SRGAP3: variants seen among roughly 807,000 people sequenced by gnomAD.
SRGAP3 encodes the protein SLIT-ROBO Rho GTPase activating protein 3.
A neutral mutation model predicts 121.1 loss-of-function variants in SRGAP3; 39 were observed. That is an observed-to-expected ratio of 0.32 (90% confidence interval 0.25 to 0.42). The LOEUF (loss-of-function observed/expected upper bound fraction) is 0.42, where lower values mean the gene tolerates loss of function less well. Ranked by LOEUF, SRGAP3 falls within the 10% of genes least tolerant of loss-of-function variation. The pLI, the probability that SRGAP3 is intolerant of heterozygous loss-of-function variation, is 1.00. For missense variants in SRGAP3, 1,213 were observed against 1,470.6 expected, an observed-to-expected ratio of 0.82 and a Z score of 2.86; for synonymous variants, 601 against 570.0, an observed-to-expected ratio of 1.05 and a Z score of -0.77.
intron 3 of SRGAP3, among the ~76,000 whole-genome samples, chr3:9,089,974 G>A (rs561488417): frequency 1.2e-4 from 18 of 152,102 alleles, no homozygotes; most frequent in Admixed American, 2.6e-4. Context: ...GGCCCACTAC[G>A]GCAGACAGCC....
At chr3:9,134,558 A>G (rs551964848) in intron 1 of SRGAP3, among the ~76,000 whole-genome samples, 1 of 152,180 alleles carries the variant, frequency 6.6e-6, no homozygotes, top group East Asian at 1.9e-4. Context: ...AGGGAGGGGA[A>G]ATGGCTTGCC....
chr3:9,007,440 A>T (rs1943137212), intron 18 of SRGAP3: 2 of 152,320 alleles, frequency 1.3e-5, no homozygotes, highest in South Asian at 4.1e-4. Context: ...GGTGCTGTCA[A>T]GAGCAAAGAA....
intron 4 of SRGAP3, among the ~76,000 whole-genome samples, chr3:9,075,205 A>G (rs981717590): frequency 6.6e-6 from 1 of 152,188 alleles, no homozygotes; most frequent in Non-Finnish European, 1.5e-5. Context: ...CCAGGCCAAT[A>G]CATGAACAAG....
intron 3 of SRGAP3, among the ~76,000 whole-genome samples, chr3:9,269,312 C>G (rs1954429915): frequency 6.6e-6 from 1 of 152,176 alleles, no homozygotes; most frequent in Non-Finnish European, 1.5e-5. Flanking sequence ...CTAGTGGACA[C>G]AGTGCTCCCC....
At chr3:9,025,229 C>T in intron 14 of SRGAP3, 32 bp downstream of exon 14, 1 of 1,612,434 alleles carries the variant, frequency 6.2e-7, no homozygotes. Flanking sequence ...CTTCCCCTGG[C>T]CACAAGCCTA....
intron 3 of SRGAP3, among the ~76,000 whole-genome samples, chr3:9,096,959 A>G (rs1160765546): frequency 2.1e-5 from 2 of 97,556 alleles, no homozygotes; most frequent in African/African-American, 1.1e-4. Context: ...ATATATATAT[A>G]TATATATATA....
intron 1 of SRGAP3, chr3:9,216,752 A>C (rs1292937900): frequency 6.6e-6 from 1 of 152,648 alleles, no homozygotes; most frequent in Non-Finnish European, 1.5e-5. Context: ...CACACCACGG[A>C]AGCCACCCAA....
At chr3:9,211,062 T>G (rs891256192) in intron 1 of SRGAP3, among the ~76,000 whole-genome samples, 2 of 152,216 alleles carry the variant, frequency 1.3e-5, no homozygotes, top group African/African-American at 4.8e-5. Flanking sequence ...TCTTTGTGGT[T>G]CCCTTCCAGT....
chr3:9,061,762 G>A (rs1348024922), intron 5 of SRGAP3, among the ~76,000 whole-genome samples: 5 of 152,214 alleles, frequency 3.3e-5, no homozygotes, highest in African/African-American at 1.2e-4. Context: ...GGATGGGAGA[G>A]GTGGGGTGGG....
At chr3:9,182,923 G>T (rs1288410480) in intron 1 of SRGAP3, among the ~76,000 whole-genome samples, 1 of 152,114 alleles carries the variant, frequency 6.6e-6, no homozygotes, top group East Asian at 1.9e-4. Flanking sequence ...CTCCCAAAGT[G>T]CTGGGAGTAC....
intron 2 of SRGAP3, among the ~76,000 whole-genome samples, chr3:9,118,431 T>C (rs926571802): frequency 6.6e-6 from 1 of 152,232 alleles, no homozygotes; most frequent in African/African-American, 2.4e-5. Flanking sequence ...GGGGGCCCCA[T>C]ATGTGCTGCC....
intron 1 of SRGAP3, among the ~76,000 whole-genome samples, chr3:9,197,046 T>G (rs1447164069): frequency 1.3e-5 from 2 of 152,226 alleles, no homozygotes; most frequent in Non-Finnish European, 2.9e-5. Flanking sequence ...CCAGGTTCTT[T>G]TTCACTCACG....
At chr3:9,099,167 T>C (rs369539789) in intron 3 of SRGAP3, among the ~76,000 whole-genome samples, 25 of 152,348 alleles carry the variant, frequency 1.6e-4, no homozygotes, top group African/African-American at 6.0e-4. Flanking sequence ...TAAAATGCGA[T>C]GGACATCTTC....
chr3:9,097,395 C>T (rs1339450258), intron 3 of SRGAP3, among the ~76,000 whole-genome samples: 1 of 152,120 alleles, frequency 6.6e-6, no homozygotes, highest in Non-Finnish European at 1.5e-5. Flanking sequence ...CTATTATTAG[C>T]TCCACTTTGA....
At chr3:9,032,154 T>TA (rs1944516599) in intron 12 of SRGAP3, among the ~76,000 whole-genome samples, 1 of 152,088 alleles carries the variant, frequency 6.6e-6, no homozygotes, top group Non-Finnish European at 1.5e-5. Context: ...TTTTCTCTTA[T>TA]AAAAAATGTA....
chr3:9,307,704 G>A (rs1444983725), intron 3 of SRGAP3, among the ~76,000 whole-genome samples: 1 of 152,150 alleles, frequency 6.6e-6, no homozygotes, highest in Non-Finnish European at 1.5e-5. Flanking sequence ...GGCAAAATAG[G>A]AATAGATTCC....
rs937591216 is a variant in SRGAP3, at chr3:9,061,065, C to T, written c.673-706G>A. 2.0e-5 allele frequency among the ~76,000 whole-genome samples: 3 copies of T among 152,174 alleles called. No individual in the cohort carries two copies. In the South Asian group the frequency reaches 6.2e-4, roughly 32 times the overall value. On this transcript the variant is annotated intron_variant, in intron 5 of 21. Coordinates refer to ENST00000383836, the MANE Select transcript of SRGAP3 (RefSeq NM_014850.4). ...TGGCCAACAGGGCAAAACCCCATCT[C>T]TACTAAAAATACAAAAATTAGCTGG...
intron 1 of SRGAP3, among the ~76,000 whole-genome samples, chr3:9,200,541 C>T (rs1002426486): frequency 6.6e-6 from 1 of 152,076 alleles, no homozygotes; most frequent in Non-Finnish European, 1.5e-5. Context: ...GTAATTCTGC[C>T]CCCAAAAAGG....
intron 1 of SRGAP3, among the ~76,000 whole-genome samples, chr3:9,234,715 C>G (rs894371348): frequency 2.6e-5 from 4 of 152,158 alleles, no homozygotes; most frequent in African/African-American, 9.7e-5. Flanking sequence ...AAGGGGATGG[C>G]AGGCTACATC....
Sources: allele counts gnomAD v4.1 joint callset (sites outside exome capture counted in the v4.1 genomes callset), GRCh38; gene constraint gnomAD v4.1.1; transcripts MANE v1.5; gene names NCBI Gene and HGNC (gene_info 2026-07-23, HGNC 2026-07-21).